AGBL1: variants seen among roughly 807,000 people sequenced by gnomAD.
AGBL1 encodes cytosolic carboxypeptidase 4.
Under a neutral mutation model 118.9 loss-of-function variants are expected in AGBL1, and 130 were observed. That is an observed-to-expected ratio of 1.09 (90% CI 0.95 to 1.26). The LOEUF is 1.26. Ranked by LOEUF, AGBL1 falls within the 50% of genes most tolerant of loss-of-function variation. The pLI, the probability that AGBL1 is intolerant of heterozygous loss-of-function variation, is 0.00. For missense variants in AGBL1, 1,584 were observed against 1,298.1 expected (o/e 1.22, Z -3.38); for synonymous variants, 555 against 478.9 (o/e 1.16, Z -2.08).
chr15:86,422,743 TA>T (rs763903919), intron 18 of AGBL1, among the ~76,000 whole-genome samples: 9 of 151,722 alleles, frequency 5.9e-5, no homozygotes, highest in African/African-American at 2.2e-4. Context: ...ATAGACATAA[TA>T]AAAAATGATA....
chr15:86,880,416 AG>A (rs1340032775), intron 22 of AGBL1, among the ~76,000 whole-genome samples: 3 of 152,194 alleles, frequency 2.0e-5, no homozygotes, highest in African/African-American at 7.2e-5. Context: ...GGCATGGAGC[AG>A]GGGATGGAGA....
At chr15:86,843,386 G>C (rs2079273019) in intron 22 of AGBL1, among the ~76,000 whole-genome samples, 1 of 151,996 alleles carries the variant, frequency 6.6e-6, no homozygotes, top group South Asian at 2.1e-4. Context: ...TGAAAGGTCT[G>C]GATGTTAAGG....
intron 22 of AGBL1, among the ~76,000 whole-genome samples, chr15:86,748,338 C>A (rs925339179): frequency 4.0e-5 from 6 of 151,630 alleles, no homozygotes; most frequent in Non-Finnish European, 7.4e-5. Flanking sequence ...TTGTTTTTTT[C>A]TTGTAAATTT....
intron 22 of AGBL1, among the ~76,000 whole-genome samples, chr15:86,809,406 C>G (rs1274437097): frequency 6.6e-6 from 1 of 152,168 alleles, no homozygotes; most frequent in Non-Finnish European, 1.5e-5. Flanking sequence ...TTCCACTCCT[C>G]TCACATATAT....
intron 22 of AGBL1, among the ~76,000 whole-genome samples, chr15:86,842,119 C>T (rs2079254416): frequency 6.6e-6 from 1 of 151,822 alleles, no homozygotes; most frequent in Non-Finnish European, 1.5e-5. Context: ...AAATTCTTAC[C>T]TAGAGGAAAC....
At position 87,005,658 on chromosome 15, in the gene AGBL1, G is replaced by T. The variant is rs2081491501; in HGVS notation, c.3323+17570G>T. ...GAACTTCCTCCTCTAGCTCAGAGAA[G>T]TTTGATCATCTGAAGCCTTCTTTTC... On this transcript the variant is annotated intron_variant, in intron 24 of 24. Transcript: ENST00000441037. 3.3e-5 allele frequency among the ~76,000 whole-genome samples: 5 copies of T among 152,300 alleles called. No individual in the cohort carries two copies. In the South Asian group the frequency reaches 1.0e-3, roughly 32 times the overall value.
chr15:86,464,002 A>G (rs2082365533), intron 18 of AGBL1, among the ~76,000 whole-genome samples: 1 of 152,200 alleles, frequency 6.6e-6, no homozygotes. Context: ...CTTGATGGGA[A>G]TAGCATTGAA....
intron 1 of AGBL1, among the ~76,000 whole-genome samples, chr15:86,134,838 C>G: frequency 6.6e-6 from 1 of 151,828 alleles, no homozygotes; most frequent in Non-Finnish European, 1.5e-5. Flanking sequence ...TGGTCTCGAT[C>G]TCCTGACCTC....
intron 21 of AGBL1, among the ~76,000 whole-genome samples, chr15:86,614,708 CTAGAACAGTGTTATT>C (rs2084698717): frequency 6.6e-6 from 1 of 152,122 alleles, no homozygotes; most frequent in Non-Finnish European, 1.5e-5. Context: ...CAGTTGGTCC[CTAGAACAGTGTTATT>C]TAGAACAGTG....
At chr15:86,479,142 T>C (rs1043796368) in intron 18 of AGBL1, among the ~76,000 whole-genome samples, 8 of 152,260 alleles carry the variant, frequency 5.3e-5, no homozygotes, top group African/African-American at 1.4e-4. Context: ...GAAGAAAACC[T>C]AGGCAATACC....
chr15:86,329,161 T>A (rs1302990987), intron 17 of AGBL1, among the ~76,000 whole-genome samples: 1 of 152,126 alleles, frequency 6.6e-6, no homozygotes, highest in African/African-American at 2.4e-5. Flanking sequence ...CATGTATCAT[T>A]GCTGGGTGCC....
chr15:86,270,922 C>T (rs763658327), intron 14 of AGBL1, among the ~76,000 whole-genome samples: 8 of 152,142 alleles, frequency 5.3e-5, no homozygotes, highest in South Asian at 2.1e-4. Flanking sequence ...AACTCCATTT[C>T]CTTTCCTTTC....
intron 18 of AGBL1, among the ~76,000 whole-genome samples, chr15:86,398,612 A>G (rs1373672468): frequency 6.6e-6 from 1 of 152,178 alleles, no homozygotes; most frequent in Non-Finnish European, 1.5e-5. Flanking sequence ...AAATGCTAAA[A>G]GCACAAAAAC....
At chr15:86,588,518 T>C (rs1358572034) in intron 21 of AGBL1, among the ~76,000 whole-genome samples, 2 of 152,212 alleles carry the variant, frequency 1.3e-5, no homozygotes, top group African/African-American at 4.8e-5. Flanking sequence ...CTGTGGGATG[T>C]GGCTTTTCAA....
At chr15:86,080,692 T>A (rs1268520184) in intron 1 of AGBL1, among the ~76,000 whole-genome samples, 1 of 152,208 alleles carries the variant, frequency 6.6e-6, no homozygotes, top group Non-Finnish European at 1.5e-5. Context: ...CAAAAAATAC[T>A]CATGCTTGGG....
At chr15:86,086,271 G>A (rs1235747088) in intron 1 of AGBL1, 1 of 152,162 alleles carries the variant, frequency 6.6e-6, no homozygotes, top group African/African-American at 2.4e-5. Flanking sequence ...TTGTGGAACA[G>A]GCAGCTATGA....
At chr15:86,620,681 A>G (rs1313841861) in intron 21 of AGBL1, among the ~76,000 whole-genome samples, 2 of 152,176 alleles carry the variant, frequency 1.3e-5, no homozygotes, top group Admixed American at 6.5e-5. Flanking sequence ...CTGCATTTCT[A>G]CTTTCTGGTT....
chr15:86,636,906 C>A (rs1054931003), intron 21 of AGBL1, among the ~76,000 whole-genome samples: 3 of 150,936 alleles, frequency 2.0e-5, no homozygotes, highest in African/African-American at 7.3e-5. Context: ...ATATATAGGG[C>A]TCTTGCTGGA....
At chr15:86,918,381 G>A (rs62032647), downstream of AGBL1, among the ~76,000 whole-genome samples, 723 of 152,190 alleles carry the variant, frequency 4.8e-3, 5 homozygotes, top group Non-Finnish European at 7.9e-3. Flanking sequence ...TAACACCTCG[G>A]AAAAGGAAAT....
Sources: allele counts gnomAD v4.1 joint callset (sites outside exome capture counted in the v4.1 genomes callset), GRCh38; gene constraint gnomAD v4.1.1; transcripts MANE v1.5; gene names NCBI Gene and HGNC (gene_info 2026-07-23, HGNC 2026-07-21).